The following RBFOX1 variants were observed in gnomAD, a reference collection of about 807,000 sequenced individuals.
RBFOX1 encodes RNA binding protein fox-1 homolog 1.
RBFOX1 carries 8 observed loss-of-function variants against 57.7 expected under a neutral mutation model. That is an observed-to-expected ratio of 0.14 (90% CI 0.08 to 0.25). The LOEUF is 0.25. RBFOX1 is among the 10% of genes least tolerant of loss of function. The pLI, the probability that RBFOX1 is intolerant of heterozygous loss-of-function variation, is 1.00. For missense variants in RBFOX1, 611 were observed against 548.5 expected (o/e 1.11, Z -1.14); for synonymous variants, 326 against 222.4 (o/e 1.47, Z -4.15).
At chr16:6,815,904 T>A (rs1364683049) in intron 3 of RBFOX1, among the ~76,000 whole-genome samples, 1 of 152,222 alleles carries the variant, frequency 6.6e-6, no homozygotes, top group Non-Finnish European at 1.5e-5. Context: ...TTACTTCCAC[T>A]GAAGGAAAGA....
At chr16:6,526,200 C>G (rs9940285) in intron 2 of RBFOX1, among the ~76,000 whole-genome samples, 7,638 of 152,190 alleles carry the variant, frequency 0.05, 484 homozygotes, top group African/African-American at 0.14. Context: ...TGAATTAATT[C>G]GAGTGTTTAA....
At chr16:6,475,912 A>G (rs943075516) in intron 2 of RBFOX1, among the ~76,000 whole-genome samples, 2 of 152,190 alleles carry the variant, frequency 1.3e-5, no homozygotes, top group African/African-American at 4.8e-5. Flanking sequence ...TTTTATAAAA[A>G]TCTTTAGTGC....
rs147316612 is a variant in RBFOX1, at chr16:6,947,761, G to C, written c.-15-104296G>C. 8.5e-5 allele frequency among the ~76,000 whole-genome samples: 13 copies of C among 152,222 alleles called. No homozygotes were observed. In the East Asian group the frequency reaches 2.3e-3, roughly 27 times the overall value. On this transcript the variant is annotated intron_variant, in intron 3 of 15. Coordinates refer to ENST00000550418, the MANE Select transcript of RBFOX1 (RefSeq NM_018723.4). ...GGCTTTCTTTTTTAGCTATTCATCT[G>C]ATTACATTTTCTCTTGCTCTTTTTC...
intron 14 of RBFOX1, among the ~76,000 whole-genome samples, chr16:7,696,224 G>A (rs766094712): frequency 6.6e-6 from 1 of 152,056 alleles, no homozygotes; most frequent in African/African-American, 2.4e-5. Context: ...TTTTGTTTTG[G>A]TTTTTCCCAA....
At chr16:6,642,085 A>G (rs115704469) in intron 2 of RBFOX1, among the ~76,000 whole-genome samples, 2,124 of 152,232 alleles carry the variant, frequency 0.014, 60 homozygotes, top group African/African-American at 0.048. Flanking sequence ...CGGAGAGGGT[A>G]TGTTTTAGGT....
intron 6 of RBFOX1, among the ~76,000 whole-genome samples, chr16:7,580,511 C>T (rs574754752): frequency 2.0e-5 from 3 of 152,136 alleles, no homozygotes; most frequent in Non-Finnish European, 4.4e-5. Context: ...CTACGTTCTT[C>T]TGAAATCAGT....
chr16:6,419,248 G>A lies in RBFOX1; in HGVS notation c.-64+102191G>A, dbSNP rs571634777. 1.7e-3 allele frequency among the ~76,000 whole-genome samples: 252 copies of A among 152,070 alleles called. 1 individual carries two copies. The highest frequency in any genetic ancestry group is 2.9e-3 in the Non-Finnish European group (200 of 68,004). On this transcript the variant is annotated intron_variant, in intron 2 of 15. Coordinates refer to ENST00000550418, the MANE Select transcript of RBFOX1 (RefSeq NM_018723.4). ...AAGCACTCCATGATTTTTTTCTACT[G>A]TCCAGGTATATGCTGTGGTATCGTA...
chr16:6,421,842 C>G (rs1182873508), intron 2 of RBFOX1, among the ~76,000 whole-genome samples: 1 of 148,028 alleles, frequency 6.8e-6, no homozygotes, highest in African/African-American at 2.7e-5. Context: ...AAAGACCTCC[C>G]CCCTCCTCAG....
chr16:7,627,187 CAA>C (rs139069709), intron 10 of RBFOX1, among the ~76,000 whole-genome samples: 13,156 of 82,476 alleles, frequency 0.16, 792 homozygotes, highest in African/African-American at 0.25. Context: ...TTCTATTTGA[CAA>C]AAAAAAAAAA....
chr16:5,775,758 C>G (rs1176618810), intron 3 of RBFOX1, among the ~76,000 whole-genome samples: 3 of 152,336 alleles, frequency 2.0e-5, no homozygotes, highest in Admixed American at 6.5e-5. Flanking sequence ...GCAATGTCCA[C>G]TAACGTAGGG....
intron 2 of RBFOX1, among the ~76,000 whole-genome samples, chr16:5,491,201 C>T (rs911787790): frequency 2.0e-5 from 3 of 152,132 alleles, no homozygotes; most frequent in Admixed American, 6.5e-5. Flanking sequence ...CGCAAGAGTA[C>T]AGCTGGATGA....
chr16:7,436,738 TG>T lies in RBFOX1; in HGVS notation c.28-81407del, dbSNP rs563097434. On this transcript the variant is annotated intron_variant, in intron 4 of 15. Coordinates refer to ENST00000550418, the MANE Select transcript of RBFOX1 (RefSeq NM_018723.4). ...TCAGTGAAATAGCTAGAAAATTATT[TG>T]GTCTCCTTGCTGAGATTTTCTTAAC... Among the ~76,000 whole-genome samples the T allele has an allele frequency of 1.2e-3, 180 of 152,254 alleles. 1 individual carries two copies. The highest frequency in any genetic ancestry group is 1.5e-3 in the South Asian group (7 of 4,822).
intron 2 of RBFOX1, chr16:6,483,884 G>A (rs915713771): frequency 8.6e-7 from 1 of 1,165,248 alleles, no homozygotes; most frequent in East Asian, 4.6e-5. Context: ...GGAAGGATGA[G>A]GCTGCGTTTG....
chr16:6,781,826 A>G (rs2081069822), intron 3 of RBFOX1, among the ~76,000 whole-genome samples: 1 of 152,090 alleles, frequency 6.6e-6, no homozygotes, highest in African/African-American at 2.4e-5. Flanking sequence ...TAGCGTGGCT[A>G]AAGGTTTGTT....
chr16:5,757,097 G>C (rs1264711629), intron 3 of RBFOX1, among the ~76,000 whole-genome samples: 1 of 152,148 alleles, frequency 6.6e-6, no homozygotes, highest in Non-Finnish European at 1.5e-5. Flanking sequence ...CTAAAATTAA[G>C]AACCAAGTTG....
At chr16:6,426,299 G>C (rs981754539) in intron 2 of RBFOX1, among the ~76,000 whole-genome samples, 1 of 152,020 alleles carries the variant, frequency 6.6e-6, no homozygotes, top group Non-Finnish European at 1.5e-5. Flanking sequence ...GTGAAGAAGG[G>C]AGAGAGAGAA....
At chr16:7,000,586 C>CTTTTTTTTTT (rs149516490) in intron 3 of RBFOX1, among the ~76,000 whole-genome samples, 15 of 95,828 alleles carry the variant, frequency 1.6e-4, no homozygotes, top group African/African-American at 4.8e-4. Context: ...TTTTTTCTTT[C>CTTTTTTTTTT]TTTTTCTTTC....
chr16:7,140,258 T>G (rs2073387220), intron 4 of RBFOX1, among the ~76,000 whole-genome samples: 1 of 133,808 alleles, frequency 7.5e-6, no homozygotes, highest in African/African-American at 2.8e-5. Context: ...CCATTTTTTT[T>G]TAAATGGCTT....
At chr16:7,171,440 C>T (rs1555530439) in intron 4 of RBFOX1, among the ~76,000 whole-genome samples, 1 of 152,142 alleles carries the variant, frequency 6.6e-6, no homozygotes. Flanking sequence ...TCCCTGGTTG[C>T]TTTATGTATG....
Sources: allele counts gnomAD v4.1 joint callset (sites outside exome capture counted in the v4.1 genomes callset), GRCh38; gene constraint gnomAD v4.1.1; transcripts MANE v1.5; gene names NCBI Gene and HGNC (gene_info 2026-07-23, HGNC 2026-07-21).